Variants in SNX24 observed in about 807,000 individuals in gnomAD.
The protein encoded by SNX24 is sorting nexin 24, also known as sorting nexin-24.
Under a neutral mutation model 28.7 loss-of-function variants are expected in SNX24, and 22 were observed. That is an observed-to-expected ratio of 0.77 (90% CI 0.55 to 1.10). SNX24 has a LOEUF of 1.10. Among genes scored for constraint, SNX24 ranks in the 50% least tolerant of loss-of-function variants. The probability of loss-of-function intolerance (pLI) is 0.00; values close to 1 mark genes in which losing one functional copy is unlikely to be tolerated. For missense variants in SNX24, 221 were observed against 201.1 expected (o/e 1.10, Z -0.60); for synonymous variants, 69 against 71.5 (o/e 0.96, Z 0.18).
chr5:123,002,529 A>G (rs1036419111), intron 6 of SNX24, among the ~76,000 whole-genome samples: 3 of 152,272 alleles, frequency 2.0e-5, no homozygotes, highest in South Asian at 2.1e-4. Context: ...CTACTCGGGA[A>G]GCTGAGGCAG....
intron 1 of SNX24, among the ~76,000 whole-genome samples, chr5:122,884,995 C>T (rs959743278): frequency 1.3e-5 from 2 of 152,066 alleles, no homozygotes; most frequent in Non-Finnish European, 2.9e-5. Flanking sequence ...TTCAGAAGCA[C>T]GCTATTATGG....
At chr5:122,928,165 T>C (rs1758783528) in intron 1 of SNX24, among the ~76,000 whole-genome samples, 1 of 152,240 alleles carries the variant, frequency 6.6e-6, no homozygotes, top group African/African-American at 2.4e-5. Context: ...GGATAACTCT[T>C]GGCACACAAT....
chr5:122,849,279 T>C (rs1379401767), intron 1 of SNX24, among the ~76,000 whole-genome samples: 2 of 152,222 alleles, frequency 1.3e-5, no homozygotes, highest in African/African-American at 2.4e-5. Context: ...ACTGTGGGCC[T>C]GTACTGTGTT....
intron 3 of SNX24, among the ~76,000 whole-genome samples, chr5:122,977,662 C>G (rs1472562902): frequency 6.6e-6 from 1 of 152,186 alleles, no homozygotes; most frequent in Non-Finnish European, 1.5e-5. Context: ...AGCTACTGCA[C>G]TTCTATAGTC....
At position 123,022,373 on chromosome 5, in the gene SNX24, T is replaced by TAAC. The variant is rs1762773645; in HGVS notation, n.384-6863_384-6861dup. On this transcript the variant is annotated intron_variant and non_coding_transcript_variant, in intron 5 of 5. Transcript: ENST00000502387. ...GAGGAGAAGCAATGGCACTGTTTTC[T>TAAC]AACAGACAACACTTCCCATCTGAAC... 2.6e-5 allele frequency: 4 copies of TAAC among 152,198 alleles called. No individual in the cohort carries two copies. In the South Asian group the frequency reaches 8.3e-4, roughly 32 times the overall value. The allele number at this position is 152,198 out of a possible 1,614,324, so 9.4% of individuals were successfully genotyped here. A position where few individuals can be genotyped will look rare whatever the true frequency, so the allele number is the denominator to read the frequency against.
At chr5:122,904,037 C>G (rs1434346202) in intron 1 of SNX24, among the ~76,000 whole-genome samples, 1 of 152,016 alleles carries the variant, frequency 6.6e-6, no homozygotes, top group African/African-American at 2.4e-5. Flanking sequence ...GGACAGGAGA[C>G]CTTACATTTT....
intron 1 of SNX24, among the ~76,000 whole-genome samples, chr5:122,870,098 G>A (rs576037580): frequency 6.6e-6 from 1 of 152,220 alleles, no homozygotes; most frequent in Non-Finnish European, 1.5e-5. Context: ...ATATTGTTGA[G>A]TAAAAAGCAT....
intron 1 of SNX24, among the ~76,000 whole-genome samples, chr5:122,859,733 T>C (rs1755371684): frequency 6.6e-6 from 1 of 152,178 alleles, no homozygotes; most frequent in South Asian, 2.1e-4. Context: ...AGAACATGTG[T>C]CCAAGGTGGT....
At chr5:122,919,571 GTT>G (rs397999139) in intron 1 of SNX24, among the ~76,000 whole-genome samples, 2 of 143,730 alleles carry the variant, frequency 1.4e-5, no homozygotes. Context: ...AGTCATTTTA[GTT>G]TTTTTTTTTT....
chr5:122,992,257 A>G (rs1217199088), intron 3 of SNX24, among the ~76,000 whole-genome samples: 1 of 152,180 alleles, frequency 6.6e-6, no homozygotes. Context: ...TCTGATGAAC[A>G]CTACTACATA....
At chr5:122,971,163 G>A (rs1760942726) in intron 3 of SNX24, among the ~76,000 whole-genome samples, 1 of 152,170 alleles carries the variant, frequency 6.6e-6, no homozygotes, top group Non-Finnish European at 1.5e-5. Flanking sequence ...GTAACTTTAA[G>A]AGTCCAAAAG....
chr5:122,969,419 T>G (rs1319635636), intron 3 of SNX24, among the ~76,000 whole-genome samples: 1 of 152,196 alleles, frequency 6.6e-6, no homozygotes, highest in Non-Finnish European at 1.5e-5. Context: ...CTTGTCTCCA[T>G]TTAGACAACA....
chr5:122,958,135 G>T (rs1218304112), intron 3 of SNX24, among the ~76,000 whole-genome samples: 1 of 151,954 alleles, frequency 6.6e-6, no homozygotes. Context: ...GTCTTTCACT[G>T]TTAATTATGA....
intron 1 of SNX24, among the ~76,000 whole-genome samples, chr5:122,864,121 G>T (rs1755610512): frequency 6.6e-6 from 1 of 151,436 alleles, no homozygotes; most frequent in Non-Finnish European, 1.5e-5. Context: ...TCCCATTTTA[G>T]TGTGGAGAAT....
intron 1 of SNX24, among the ~76,000 whole-genome samples, chr5:122,880,097 G>C (rs1042275540): frequency 6.6e-6 from 1 of 152,068 alleles, no homozygotes; most frequent in African/African-American, 2.4e-5. Flanking sequence ...TGTTTACTTT[G>C]AAGAAATACC....
intron 1 of SNX24, among the ~76,000 whole-genome samples, chr5:122,882,526 A>C (rs936206914): frequency 1.3e-5 from 2 of 152,232 alleles, no homozygotes; most frequent in African/African-American, 4.8e-5. Context: ...TTGGCACAGC[A>C]CAGAGCTCCT....
At chr5:122,966,759 A>T (rs1760730359) in intron 3 of SNX24, among the ~76,000 whole-genome samples, 1 of 152,234 alleles carries the variant, frequency 6.6e-6, no homozygotes, top group South Asian at 2.1e-4. Context: ...AAAAAAAGAT[A>T]TACCACATAG....
chr5:122,954,726 T>G (rs952064479), intron 3 of SNX24, among the ~76,000 whole-genome samples: 2 of 59,410 alleles, frequency 3.4e-5, no homozygotes, highest in Non-Finnish European at 5.4e-5. Context: ...GTTTCTGATT[T>G]TTAAAAAAAA....
At chr5:122,920,795 A>T (rs943766140) in intron 1 of SNX24, among the ~76,000 whole-genome samples, 1 of 152,248 alleles carries the variant, frequency 6.6e-6, no homozygotes, top group African/African-American at 2.4e-5. Flanking sequence ...TCAAAAATTT[A>T]AAAAATGAGA....
Sources: allele counts gnomAD v4.1 joint callset (sites outside exome capture counted in the v4.1 genomes callset), GRCh38; gene constraint gnomAD v4.1.1; transcripts MANE v1.5; gene names NCBI Gene and HGNC (gene_info 2026-07-23, HGNC 2026-07-21).